RUNX1T1: variants seen among roughly 807,000 people sequenced by gnomAD.
The protein encoded by RUNX1T1 is protein CBFA2T1.
A neutral mutation model predicts 62.8 loss-of-function variants in RUNX1T1; 4 were observed. The observed-to-expected ratio is 0.06, with a 90% confidence interval of 0.03 to 0.15. The LOEUF is 0.15. RUNX1T1 is among the 10% of genes least tolerant of loss of function. RUNX1T1 has a pLI of 1.00. For missense variants in RUNX1T1, 508 were observed against 754.3 expected (o/e 0.67, Z 3.82); for synonymous variants, 291 against 286.0 (o/e 1.02, Z -0.18).
At chr8:92,074,899 A>C (rs1021474492) in intron 2 of RUNX1T1, among the ~76,000 whole-genome samples, 2 of 152,214 alleles carry the variant, frequency 1.3e-5, no homozygotes, top group African/African-American at 4.8e-5. Context: ...AATCATGATT[A>C]AGGCTTCCCC....
rs202129384 is a variant in RUNX1T1, at chr8:92,038,312, T to TA, written c.8-20950dup. Among the ~76,000 whole-genome samples, 1,143 of 151,760 alleles carry TA rather than the reference T, an allele frequency of 7.5e-3. 13 individuals carry two copies. The highest frequency in any genetic ancestry group is 0.048 in the Middle Eastern group (14 of 294). Reference sequence around the variant, plus strand: ...AGTACAGTGTCTGGCATAGAAGTATTAAAAAAAACTGTATAAAAAAGCATA... The same window carrying TA: ...AGTACAGTGTCTGGCATAGAAGTATTAAAAAAAAACTGTATAAAAAAGCATA... On this transcript the variant is annotated intron_variant, in intron 1 of 10. Coordinates refer to ENST00000396218, the Ensembl canonical transcript of RUNX1T1.
Position 91,986,282 on chromosome 8 carries a change from G to C in RUNX1T1, c.1040C>G (p.Ser347Cys). 1.2e-6 allele frequency: 2 copies of C among 1,613,990 alleles called. No individual in the cohort carries two copies. Among genetic ancestry groups the C allele is most frequent in the African/African-American group, 1.3e-5 (1 of 75,024 alleles). Residue 347 changes from serine (S) to cysteine (C), a missense_variant, in exon 8 of 11, where the codon TCT becomes TGT. Ser to Cys is a moderately radical substitution (Grantham distance 112). Coordinates refer to ENST00000396218, the Ensembl canonical transcript of RUNX1T1. ...TTGACACCGCCTTAGTACGGTGAGA[G>C]ATCGCCTTGTTTTTTCTACCATGTC...
At chr8:91,976,324 G>C (rs1813933728) in intron 8 of RUNX1T1, among the ~76,000 whole-genome samples, 1 of 152,156 alleles carries the variant, frequency 6.6e-6, no homozygotes, top group African/African-American at 2.4e-5. Flanking sequence ...GTATTTGGTA[G>C]TTTTCCTTTC....
At chr8:92,081,850 T>G (rs1002321139) in intron 1 of RUNX1T1, among the ~76,000 whole-genome samples, 1 of 152,100 alleles carries the variant, frequency 6.6e-6, no homozygotes, top group Admixed American at 6.6e-5. Context: ...CTTTGTCTCT[T>G]GTCTCTCAGA....
upstream of RUNX1T1, among the ~76,000 whole-genome samples, chr8:92,065,425 A>G (rs1832730775): frequency 2.0e-5 from 3 of 152,208 alleles, no homozygotes; most frequent in South Asian, 6.2e-4. Flanking sequence ...CCTCAGGAGA[A>G]CCTCATCGGT....
intron 1 of RUNX1T1, among the ~76,000 whole-genome samples, chr8:92,051,344 G>A (rs1488602726): frequency 6.6e-6 from 1 of 152,000 alleles, no homozygotes; most frequent in Non-Finnish European, 1.5e-5. Flanking sequence ...TCAATCTATA[G>A]GAGGACAACC....
chr8:92,095,686 A>ACAC, intron 1 of RUNX1T1: 1 of 516,358 alleles, frequency 1.9e-6, no homozygotes, highest in South Asian at 3.4e-5. Context: ...GGAAGGAGGG[A>ACAC]TGGAGGAGGG....
At chr8:92,075,688 C>T (rs1460223687) in intron 2 of RUNX1T1, among the ~76,000 whole-genome samples, 2 of 152,164 alleles carry the variant, frequency 1.3e-5, no homozygotes, top group African/African-American at 4.8e-5. Flanking sequence ...TGGCAAGAAG[C>T]ACTGCAACAA....
chr8:91,966,157 G>A (rs948783307), intron 10 of RUNX1T1, among the ~76,000 whole-genome samples: 3 of 145,766 alleles, frequency 2.1e-5, no homozygotes, highest in African/African-American at 7.7e-5. Context: ...ATTGTATATT[G>A]TATAACTATA....
chr8:91,968,181 G>A (rs143902214), intron 10 of RUNX1T1, among the ~76,000 whole-genome samples: 9 of 152,154 alleles, frequency 5.9e-5, no homozygotes, highest in African/African-American at 2.2e-4. Context: ...ATCTGCCTCC[G>A]AGCTGTGCTA....
intron 1 of RUNX1T1, among the ~76,000 whole-genome samples, chr8:92,038,174 C>T (rs1029888133): frequency 3.9e-5 from 6 of 152,040 alleles, no homozygotes; most frequent in East Asian, 1.9e-4. Context: ...CTCAGCCTCC[C>T]GGGTAGATGG....
In RUNX1T1 at chr8:92,069,514, C is replaced by G. The variant is rs563060388; in HGVS notation, c.88+6451G>C. Among the ~76,000 whole-genome samples the G allele has an allele frequency of 3.9e-5, 6 of 152,198 alleles. No individual in the cohort carries two copies. In the South Asian group the frequency reaches 1.2e-3, roughly 32 times the overall value. On this transcript the variant is annotated intron_variant, in intron 2 of 11. Coordinates refer to the RUNX1T1 transcript ENST00000265814. ...TCTCCACATTGCAAATTATCAAAATCTATGCACACATACTAATCTGCCACG... is the reference window on the plus strand; with the variant it reads ...TCTCCACATTGCAAATTATCAAAATGTATGCACACATACTAATCTGCCACG...
At chr8:91,975,698 T>A (rs1813774879) in intron 9 of RUNX1T1, among the ~76,000 whole-genome samples, 1 of 152,210 alleles carries the variant, frequency 6.6e-6, no homozygotes, top group African/African-American at 2.4e-5. Flanking sequence ...CAGATGTTAC[T>A]AAAATAAAAA....
intron 1 of RUNX1T1, among the ~76,000 whole-genome samples, chr8:92,083,046 A>G (rs922714989): frequency 2.6e-5 from 4 of 152,214 alleles, no homozygotes; most frequent in Admixed American, 1.3e-4. Flanking sequence ...TCTCATAAAA[A>G]TGTCCATATA....
chr8:92,052,447 AT>A (rs1433164215), intron 1 of RUNX1T1, among the ~76,000 whole-genome samples: 1 of 152,198 alleles, frequency 6.6e-6, no homozygotes, highest in Non-Finnish European at 1.5e-5. Flanking sequence ...TCTCTCAAGT[AT>A]TTTTAAAAAT....
At chr8:92,060,522 A>AATATATATATATATATATATATATAT (rs61066655) in intron 1 of RUNX1T1, among the ~76,000 whole-genome samples, 2 of 76,324 alleles carry the variant, frequency 2.6e-5, no homozygotes, top group Admixed American at 1.5e-4. Flanking sequence ...TCAACTACCA[A>AATATATATATATATATATATATATAT]ATATATATAT....
At chr8:91,965,459 C>A (rs528419379) in intron 10 of RUNX1T1, among the ~76,000 whole-genome samples, 1 of 152,262 alleles carries the variant, frequency 6.6e-6, no homozygotes, top group Admixed American at 6.5e-5. Context: ...AAAGGAATAT[C>A]TTTTCCTTCT....
At chr8:92,048,878 G>C (rs551959838) in intron 1 of RUNX1T1, among the ~76,000 whole-genome samples, 34 of 152,262 alleles carry the variant, frequency 2.2e-4, no homozygotes, top group African/African-American at 8.2e-4. Flanking sequence ...TTGTCCTTAA[G>C]AGACAAGAGA....
chr8:92,000,016 A>G (rs1819456400), intron 5 of RUNX1T1, among the ~76,000 whole-genome samples: 2 of 152,128 alleles, frequency 1.3e-5, no homozygotes, highest in African/African-American at 4.8e-5. Flanking sequence ...ATATAAATGT[A>G]ATTTTGTGGC....
Sources: allele counts gnomAD v4.1 joint callset (sites outside exome capture counted in the v4.1 genomes callset), GRCh38; gene constraint gnomAD v4.1.1; transcripts MANE v1.5; gene names NCBI Gene and HGNC (gene_info 2026-07-23, HGNC 2026-07-21).